Variants in GABRB1 observed in about 807,000 individuals in gnomAD.
GABRB1 encodes the protein gamma-aminobutyric acid type A receptor subunit beta1.
GABRB1 carries 17 observed loss-of-function variants against 51.6 expected under a neutral mutation model. That is an observed-to-expected ratio of 0.33 (90% confidence interval 0.23 to 0.49). GABRB1 has a LOEUF of 0.49. Among genes scored for constraint, GABRB1 ranks in the 20% least tolerant of loss-of-function variants. The pLI, the probability that GABRB1 is intolerant of heterozygous loss-of-function variation, is 0.99. For synonymous variants in GABRB1, 247 were observed against 218.9 expected, an observed-to-expected ratio of 1.13 and a Z score of -1.14; for missense variants, 410 against 600.6, an observed-to-expected ratio of 0.68 and a Z score of 3.32.
intron 5 of GABRB1, among the ~76,000 whole-genome samples, chr4:47,371,590 C>T (rs947882397): frequency 5.3e-5 from 8 of 152,164 alleles, no homozygotes; most frequent in African/African-American, 1.7e-4. Context: ...CACAACCTCA[C>T]GAGCATCTGT....
intron 4 of GABRB1, among the ~76,000 whole-genome samples, chr4:47,191,020 T>A (rs2109783293): frequency 6.6e-6 from 1 of 152,312 alleles, no homozygotes; most frequent in East Asian, 1.9e-4. Context: ...TCAGGTCTTT[T>A]CGGGTCATTA....
intron 3 of GABRB1, among the ~76,000 whole-genome samples, chr4:47,107,324 T>C (rs570506946): frequency 1.3e-5 from 2 of 152,226 alleles, no homozygotes; most frequent in East Asian, 3.9e-4. Flanking sequence ...CTAAAACTTT[T>C]CTGATGGGTG....
chr4:47,391,567 T>C (rs1727992636), intron 5 of GABRB1, among the ~76,000 whole-genome samples: 1 of 152,234 alleles, frequency 6.6e-6, no homozygotes, highest in Admixed American at 6.5e-5. Flanking sequence ...AGCTTGAGGT[T>C]GTAGTCCATC....
At chr4:47,055,091 A>G (rs895491646) in intron 3 of GABRB1, among the ~76,000 whole-genome samples, 2 of 152,244 alleles carry the variant, frequency 1.3e-5, no homozygotes, top group African/African-American at 2.4e-5. Flanking sequence ...GATCTCATAT[A>G]TATTCAGTTT....
chr4:47,391,444 G>A (rs992143204), intron 5 of GABRB1, among the ~76,000 whole-genome samples: 7 of 152,198 alleles, frequency 4.6e-5, no homozygotes, highest in African/African-American at 1.7e-4. Context: ...AATGTGAGGT[G>A]CTGTTTTGAC....
intron 5 of GABRB1, among the ~76,000 whole-genome samples, chr4:47,369,879 T>C (rs1727125091): frequency 6.6e-6 from 1 of 152,232 alleles, no homozygotes; most frequent in Non-Finnish European, 1.5e-5. Context: ...GAATAGTTAC[T>C]GACAATGAAC....
intron 5 of GABRB1, among the ~76,000 whole-genome samples, chr4:47,331,608 A>T (rs533973877): frequency 1.3e-5 from 2 of 152,226 alleles, no homozygotes; most frequent in East Asian, 1.9e-4. Context: ...AATAAAGCTC[A>T]TTTTTTAAAA....
chr4:47,416,135 A>G (rs1027369628), intron 8 of GABRB1, among the ~76,000 whole-genome samples: 2 of 152,224 alleles, frequency 1.3e-5, no homozygotes, highest in African/African-American at 2.4e-5. Context: ...GACGATAATT[A>G]TAGTAAAGAA....
intron 1 of GABRB1, among the ~76,000 whole-genome samples, chr4:46,996,937 T>C (rs775410326): frequency 3.2e-4 from 48 of 152,190 alleles, no homozygotes; most frequent in Non-Finnish European, 4.3e-4. Flanking sequence ...GAATTACTGC[T>C]TTAAATTCTG....
chr4:47,379,762 T>C lies in GABRB1; in HGVS notation c.545-23556T>C, dbSNP rs117698351. Reference sequence around the variant, plus strand: ...GTAATTTTTTTCTATAGTCTGAAACTAAAAGTATGAATTAGTAATATGAAA... The same window carrying C: ...GTAATTTTTTTCTATAGTCTGAAACCAAAAGTATGAATTAGTAATATGAAA... On this transcript the variant is annotated intron_variant, in intron 5 of 8. Transcript: ENST00000295454. Among the ~76,000 whole-genome samples, 38 of 152,260 alleles carry C rather than the reference T, an allele frequency of 2.5e-4. No homozygotes were observed. In the East Asian group the frequency reaches 7.3e-3, roughly 29 times the overall value.
At chr4:47,265,881 C>T (rs370061029) in intron 4 of GABRB1, among the ~76,000 whole-genome samples, 9 of 152,220 alleles carry the variant, frequency 5.9e-5, no homozygotes, top group African/African-American at 2.2e-4. Context: ...AAAACATTCT[C>T]TCTAATTTAC....
intron 3 of GABRB1, among the ~76,000 whole-genome samples, chr4:47,093,834 A>G (rs1714256859): frequency 1.3e-5 from 2 of 152,236 alleles, no homozygotes; most frequent in South Asian, 2.1e-4. Context: ...TGTAAAGGCC[A>G]TTTATTATCC....
chr4:47,241,804 G>T (rs568877449), intron 4 of GABRB1, among the ~76,000 whole-genome samples: 1 of 152,022 alleles, frequency 6.6e-6, no homozygotes, highest in Non-Finnish European at 1.5e-5. Context: ...GGTTCCTTAA[G>T]AATTTTAAAT....
chr4:47,239,661 T>G (rs932021318), intron 4 of GABRB1, among the ~76,000 whole-genome samples: 2 of 152,212 alleles, frequency 1.3e-5, no homozygotes, highest in African/African-American at 4.8e-5. Context: ...TAATGGCTTT[T>G]AAGTATTTAG....
rs553450686 is a variant in GABRB1, at chr4:47,160,279, G to GAA, written c.241-968_241-967dup. ...CAACTCTGAATTCAAACCACTTCCT[G>GAA]AAATGAAACAGGAATGTGGTAAGAG... On this transcript the variant is annotated intron_variant, in intron 3 of 8. Coordinates refer to ENST00000295454, the MANE Select transcript of GABRB1 (RefSeq NM_000812.4). Among the ~76,000 whole-genome samples the GAA allele has an allele frequency of 3.4e-4, 51 of 152,208 alleles. No homozygotes were observed. The South Asian group carries it at 0.01, about 31-fold the overall frequency.
intron 4 of GABRB1, among the ~76,000 whole-genome samples, chr4:47,279,831 T>C (rs1357806426): frequency 6.6e-6 from 1 of 151,902 alleles, no homozygotes; most frequent in African/African-American, 2.4e-5. Context: ...TCCTGAATGC[T>C]GAATATAGTT....
intron 3 of GABRB1, chr4:47,032,767 A>T (rs968661528): frequency 7.8e-6 from 5 of 643,274 alleles, no homozygotes; most frequent in Non-Finnish European, 1.5e-5. Context: ...TCTGAGCGTT[A>T]CTTTAGCTGG....
intron 4 of GABRB1, among the ~76,000 whole-genome samples, chr4:47,215,413 G>A (rs1039806550): frequency 1.3e-5 from 2 of 152,016 alleles, no homozygotes; most frequent in Admixed American, 6.6e-5. Context: ...AAGTTTATAT[G>A]TAGATAATTC....
intron 3 of GABRB1, among the ~76,000 whole-genome samples, chr4:47,057,498 G>A (rs576630969): frequency 7.2e-5 from 11 of 152,344 alleles, no homozygotes; most frequent in Middle Eastern, 3.4e-3. Context: ...AGCACATTTA[G>A]TGCTTAGGCT....
Sources: allele counts gnomAD v4.1 joint callset (sites outside exome capture counted in the v4.1 genomes callset), GRCh38; gene constraint gnomAD v4.1.1; transcripts MANE v1.5; gene names NCBI Gene and HGNC (gene_info 2026-07-23, HGNC 2026-07-21).